Variants in WASHC5 observed in about 807,000 individuals in gnomAD.
WASHC5 encodes WASH complex subunit 5, also known as WASH complex subunit strumpellin.
A neutral mutation model predicts 150.4 loss-of-function variants in WASHC5; 101 were observed. The ratio of observed to expected loss-of-function variants is 0.67; its 90% confidence interval spans 0.57 to 0.79. The LOEUF is 0.79. WASHC5 is among the 30% of genes least tolerant of loss of function. WASHC5 has a pLI of 0.00. For synonymous variants in WASHC5, 467 were observed against 491.2 expected, an observed-to-expected ratio of 0.95 and a Z score of 0.65; for missense variants, 1,195 against 1,396.3, an observed-to-expected ratio of 0.86 and a Z score of 2.30.
intron 19 of WASHC5, among the ~76,000 whole-genome samples, chr8:125,047,584 C>T (rs1183624594): frequency 6.6e-6 from 1 of 151,878 alleles, no homozygotes; most frequent in African/African-American, 2.4e-5. Flanking sequence ...ATTACAGGCA[C>T]CCGCCACCAT....
chr8:125,058,145 C>T (rs1816470805), intron 14 of WASHC5, among the ~76,000 whole-genome samples: 2 of 151,020 alleles, frequency 1.3e-5, no homozygotes, highest in African/African-American at 2.4e-5. Context: ...GTAAGAAGTG[C>T]CATTATTTTA....
chr8:125,057,560 C>T lies in WASHC5; in HGVS notation c.1871G>A (p.Arg624Lys). ...YYSGELVSYVRKVLQIIPESM... is the reference protein window; with the variant it reads ...YYSGELVSYVKKVLQIIPESM... The stretch of plus-strand genomic sequence containing the variant: ...TCACCCTGATGCATTTCTTACTTTT[C>T]TCACATAGGATACCAACTCTCCAGA... Residue 624 changes from arginine (R) to lysine (K), a missense_variant, in exon 15 of 29, where the codon AGA becomes AAA. Coordinates refer to ENST00000318410, the MANE Select transcript of WASHC5 (RefSeq NM_014846.4). 1 of 1,597,196 alleles carries T rather than the reference C, an allele frequency of 6.3e-7. No homozygotes were observed. The highest frequency in any genetic ancestry group is 1.3e-5 in the African/African-American group (1 of 74,646).
chr8:125,067,632 A>C lies in WASHC5; in HGVS notation c.1238T>G (p.Leu413Arg), dbSNP rs1064796966. ...CTCAAATTGTGCAGTATCTAACAGC[A>C]GCTGGAAGAGGATCCTGGGATTGTA... Reference protein sequence around the residue: ...SRYNPRILFQLLLDTAQFEFI... With the variant: ...SRYNPRILFQRLLDTAQFEFI... The change falls in exon 10 of 29, where the codon CTG becomes CGG. Residue 413 changes from leucine to arginine, a missense_variant. Transcript: ENST00000318410. 1.2e-6 allele frequency: 2 copies of C among 1,613,174 alleles called. No homozygotes were observed. Among genetic ancestry groups the C allele is most frequent in the Admixed American group, 3.3e-5 (2 of 60,016 alleles).
intron 26 of WASHC5, among the ~76,000 whole-genome samples, chr8:125,033,797 C>T (rs1302771354): frequency 6.6e-6 from 1 of 152,170 alleles, no homozygotes; most frequent in African/African-American, 2.4e-5. Context: ...ATCCTCTCGT[C>T]TCAGCCTCCC....
At chr8:125,043,502 G>A (rs1815957049) in intron 23 of WASHC5, among the ~76,000 whole-genome samples, 1 of 152,092 alleles carries the variant, frequency 6.6e-6, no homozygotes, top group Admixed American at 6.5e-5. Context: ...AATGAACTTT[G>A]TTATGTAAAA....
rs1563603654 is a variant in WASHC5 at position 125,024,478 on chromosome 8, C to A, written c.*139G>T. On this transcript the variant is annotated 3_prime_UTR_variant, in exon 29 of 29. Coordinates refer to ENST00000318410, the MANE Select transcript of WASHC5 (RefSeq NM_014846.4). The stretch of plus-strand genomic sequence containing the variant: ...CTAATGCCATGAGATATATCTTACT[C>A]AGAACGTCTGATGTTTCCCATAATA... The A allele has an allele frequency of 4.2e-6, 3 of 721,402 alleles. No homozygotes were observed. The highest frequency in any genetic ancestry group is 7.7e-6 in the Non-Finnish European group (3 of 390,498). 44.7% of individuals were successfully genotyped at this position (721,402 alleles called of 1,614,324 possible). A position where few individuals can be genotyped will look rare whatever the true frequency, so the allele number is the denominator to read the frequency against.
intron 16 of WASHC5, 52 bp from the exon 17 acceptor site, chr8:125,055,723 T>TCTTTGTTCATTCCA: frequency 1.9e-6 from 2 of 1,075,902 alleles, no homozygotes; most frequent in East Asian, 2.4e-5. Flanking sequence ...AGTCCTGGAA[T>TCTTTGTTCATTCCA]GAACAAAGAT....
intron 26 of WASHC5, among the ~76,000 whole-genome samples, chr8:125,036,539 G>A (rs562221987): frequency 1.3e-5 from 2 of 150,466 alleles, no homozygotes; most frequent in African/African-American, 5.0e-5. Context: ...TGGGCATGGC[G>A]GTGTGCACCT....
rs770492733 is a variant in WASHC5 at position 125,083,904 on chromosome 8, G to A, written c.-6C>T. 2.5e-6 allele frequency: 4 copies of A among 1,613,142 alleles called. No homozygotes were observed. In the Admixed American group the frequency reaches 6.7e-5, roughly 27 times the overall value. On this transcript the variant is annotated 5_prime_UTR_variant, in exon 2 of 29. Coordinates refer to ENST00000318410, the MANE Select transcript of WASHC5 (RefSeq NM_014846.4). ...TCGGCTAGAAAGTCCAACATTGTGA[G>A]GCGGACCGACTACTCTGTGCCTGGA...
intron 28 of WASHC5, among the ~76,000 whole-genome samples, chr8:125,025,077 G>A (rs1815338488): frequency 6.6e-6 from 1 of 151,992 alleles, no homozygotes; most frequent in Non-Finnish European, 1.5e-5. Context: ...GGGGAGGGCA[G>A]GAATGAGAAT....
At chr8:125,088,705 C>A (rs536114351) in intron 1 of WASHC5, among the ~76,000 whole-genome samples, 5 of 152,220 alleles carry the variant, frequency 3.3e-5, no homozygotes, top group African/African-American at 9.6e-5. Flanking sequence ...TTGTTCCCAG[C>A]CTGACTGCAA....
chr8:125,068,931 C>T lies in WASHC5; in HGVS notation c.1151-1212G>A, dbSNP rs186006091. ...ATAGAATAAAAAATATTGATATTTG[C>T]TTAGATTGGTTTATAAGGCCAATTA... On this transcript the variant is annotated intron_variant, in intron 9 of 28. Transcript: ENST00000318410. Among the ~76,000 whole-genome samples, 35 of 152,326 alleles carry T rather than the reference C, an allele frequency of 2.3e-4. No individual in the cohort carries two copies. The East Asian group carries it at 5.0e-3, about 22-fold the overall frequency.
At chr8:125,058,468 T>C (rs1264449724) in intron 14 of WASHC5, among the ~76,000 whole-genome samples, 4 of 152,052 alleles carry the variant, frequency 2.6e-5, no homozygotes, top group Admixed American at 1.3e-4. Flanking sequence ...TTGAGTAGGC[T>C]GGGCGTGGGG....
intron 12 of WASHC5, 119 bp downstream of exon 12, chr8:125,060,963 C>T (rs1816575810): frequency 1.4e-6 from 1 of 689,888 alleles, no homozygotes. Flanking sequence ...TATTAATTCA[C>T]ATCGCTTTTA....
chr8:125,064,620 T>TC, intron 10 of WASHC5, among the ~76,000 whole-genome samples: 1 of 151,976 alleles, frequency 6.6e-6, no homozygotes, highest in Non-Finnish European at 1.5e-5. Flanking sequence ...TTTTTTTTTT[T>TC]CTGAAACAAA....
Position 125,081,703 on chromosome 8 carries a change from C to T in WASHC5, c.476G>A (p.Gly159Glu). 1 of 1,612,776 alleles carries T rather than the reference C, an allele frequency of 6.2e-7. No individual in the cohort carries two copies. The change falls in exon 5 of 29, where the codon GGA becomes GAA. Residue 159 changes from glycine (G) to glutamate (E), a missense_variant. Gly to Glu is a moderately conservative substitution (Grantham distance 98). Transcript: ENST00000318410. ...MLLVIDQKIEGEVRERMLVSY... is the reference protein window; with the variant it reads ...MLLVIDQKIEEEVRERMLVSY... ...AACCAGCATCCTCTCTCTGACTTCT[C>T]CTTCAATCTTTTGGTCAATGACCAG...
rs543001138 is a variant in WASHC5, at chr8:125,052,703, A to G, written c.2098-2038T>C. The stretch of plus-strand genomic sequence containing the variant: ...TCCACCTTGGAGATTTTCCAGTACT[A>G]AATTCTTTTTGAATCGCTCTAGACC... On this transcript the variant is annotated intron_variant, in intron 17 of 28. Coordinates refer to ENST00000318410, the MANE Select transcript of WASHC5 (RefSeq NM_014846.4). Among the ~76,000 whole-genome samples the G allele has an allele frequency of 2.6e-5, 4 of 151,774 alleles. No individual in the cohort carries two copies. The South Asian group carries it at 8.3e-4, about 32-fold the overall frequency.
chr8:125,075,143 T>G (rs1390714135), intron 7 of WASHC5, 32 bp from the exon 8 acceptor site: 1 of 1,326,700 alleles, frequency 7.5e-7, no homozygotes, highest in African/African-American at 1.4e-5. Flanking sequence ...ATTTGTTAAA[T>G]TCCTACTCAC....
chr8:125,044,142 CA>C, intron 21 of WASHC5, 48 bp from the exon 22 acceptor site: 2 of 1,245,814 alleles, frequency 1.6e-6, no homozygotes, highest in Non-Finnish European at 2.4e-6. Context: ...ATGAATTAAA[CA>C]AGCAAATTCT....
Sources: gnomAD v4.1 joint callset for allele counts (sites outside exome capture counted in the v4.1 genomes callset) on GRCh38, gnomAD v4.1.1 for gene constraint, MANE v1.5 for transcripts, NCBI Gene and HGNC (gene_info 2026-07-23, HGNC 2026-07-21) for gene names.